Variants in MTUS2 observed in about 807,000 individuals in gnomAD.
MTUS2 encodes the protein microtubule associated scaffold protein 2.
Under a neutral mutation model 114.1 loss-of-function variants are expected in MTUS2, and 40 were observed. That is an observed-to-expected ratio of 0.35 (90% CI 0.27 to 0.46). MTUS2 has a LOEUF of 0.46. MTUS2 is among the 20% of genes least tolerant of loss of function. The pLI is 1.00. For missense variants in MTUS2, 1,679 were observed against 1,705.4 expected (o/e 0.98, Z 0.27); for synonymous variants, 688 against 672.0 (o/e 1.02, Z -0.37).
At chr13:29,230,731 T>G (rs768254890) in intron 5 of MTUS2, among the ~76,000 whole-genome samples, 14 of 152,230 alleles carry the variant, frequency 9.2e-5, no homozygotes, top group African/African-American at 4.8e-5. Flanking sequence ...ATTTCAGGAC[T>G]AGAGTGCAGG....
intron 2 of MTUS2, among the ~76,000 whole-genome samples, chr13:29,001,005 G>C (rs907585178): frequency 1.3e-5 from 2 of 152,158 alleles, no homozygotes; most frequent in Non-Finnish European, 2.9e-5. Context: ...CTTAGGGTAG[G>C]ATCAGGCTAT....
At chr13:29,213,926 G>A (rs1895562337) in intron 5 of MTUS2, among the ~76,000 whole-genome samples, 1 of 150,596 alleles carries the variant, frequency 6.6e-6, no homozygotes, top group Non-Finnish European at 1.5e-5. Context: ...GCACTGAATA[G>A]TTTATGATTC....
Position 28,967,454 on chromosome 13 carries a change from TA to T in MTUS2, c.-242-56997del, listed in dbSNP as rs370748095. Among the ~76,000 whole-genome samples the T allele has an allele frequency of 2.0e-3, 307 of 152,138 alleles. No individual in the cohort carries two copies. In the Middle Eastern group the frequency reaches 0.024, roughly 12 times the overall value. ...CTGTAGTCTTGCCAGTAAGAAGAAATAAAAAAGCTCTGGTCTGTTAAGAGAC... is the reference window on the plus strand; with the variant it reads ...CTGTAGTCTTGCCAGTAAGAAGAAATAAAAAGCTCTGGTCTGTTAAGAGAC... On this transcript the variant is annotated intron_variant, in intron 2 of 15. Transcript: ENST00000612955.
chr13:28,903,410 C>A (rs1879769260), intron 2 of MTUS2, among the ~76,000 whole-genome samples: 1 of 104,704 alleles, frequency 9.6e-6, no homozygotes, highest in African/African-American at 3.7e-5. Flanking sequence ...CTATCCCTCC[C>A]CCCTCCCCCC....
Position 29,025,220 on chromosome 13 carries a change from G to A in MTUS2, c.522G>A (p.Arg174=). ...AKTLDNEELR[R]HSLERASSSV... is the part of the protein sequence containing the mutation. ...CCCTTGACAATGAGGAACTGAGGAG[G>A]CATTCTTTGGAAAGAGCAAGCAGCT... Residue 174 remains arginine, a synonymous_variant, in exon 3 of 16, where the codon AGG becomes AGA. Coordinates refer to ENST00000612955, the MANE Select transcript of MTUS2 (RefSeq NM_001033602.4). 6.2e-7 allele frequency: 1 copy of A among 1,614,010 alleles called. No individual in the cohort carries two copies. Among genetic ancestry groups the A allele is most frequent in the Non-Finnish European group, 8.5e-7 (1 of 1,179,890 alleles).
chr13:29,159,826 G>A (rs905966844), intron 5 of MTUS2, among the ~76,000 whole-genome samples: 14 of 152,168 alleles, frequency 9.2e-5, no homozygotes, highest in Non-Finnish European at 1.9e-4. Context: ...GACTGAAATA[G>A]AAAATAGCGA....
intron 5 of MTUS2, among the ~76,000 whole-genome samples, chr13:29,136,087 G>A (rs1015360196): frequency 6.6e-6 from 1 of 152,164 alleles, no homozygotes; most frequent in African/African-American, 2.4e-5. Context: ...AATTGCCCAT[G>A]TTACTACCTT....
chr13:29,426,831 C>T (rs1215297257), intron 8 of MTUS2, among the ~76,000 whole-genome samples: 5 of 152,154 alleles, frequency 3.3e-5, no homozygotes, highest in African/African-American at 1.2e-4. Flanking sequence ...TTTGTTTATC[C>T]ATTCTTCTGT....
At chr13:29,065,341 A>G (rs1888614385) in intron 4 of MTUS2, among the ~76,000 whole-genome samples, 1 of 152,096 alleles carries the variant, frequency 6.6e-6, no homozygotes, top group South Asian at 2.1e-4. Flanking sequence ...GTAAGATGGT[A>G]TCTCATTGTG....
At chr13:29,442,593 G>GTGAT (rs145506378) in intron 9 of MTUS2, among the ~76,000 whole-genome samples, 2,386 of 151,616 alleles carry the variant, frequency 0.016, 58 homozygotes, top group African/African-American at 0.054. Flanking sequence ...GTGTGAGCTA[G>GTGAT]TGATGAGCTA....
intron 5 of MTUS2, among the ~76,000 whole-genome samples, chr13:29,162,245 A>G (rs757088470): frequency 6.6e-5 from 10 of 152,200 alleles, no homozygotes; most frequent in Non-Finnish European, 1.5e-4. Flanking sequence ...GGATTCAAAT[A>G]TGGTCATATT....
chr13:29,460,461 C>G (rs942899759), intron 9 of MTUS2, among the ~76,000 whole-genome samples: 1 of 151,944 alleles, frequency 6.6e-6, no homozygotes, highest in Non-Finnish European at 1.5e-5. Context: ...CTCTCTCCTC[C>G]TGACAGGCTG....
Position 29,331,179 on chromosome 13 carries a change from C to G in MTUS2, c.2905+6468C>G, listed in dbSNP as rs139372308. 3.6e-3 allele frequency among the ~76,000 whole-genome samples: 545 copies of G among 152,078 alleles called. 3 individuals are homozygous for G. Among genetic ancestry groups the G allele is most frequent in the African/African-American group, 0.013 (525 of 41,474 alleles). ...CCCTTGTAAGTTGTCTTCCTAGGTA[C>G]TTTTTTCTCTTTGTAGCAATTGTGA... is the stretch of plus-strand genomic sequence containing the variant. On this transcript the variant is annotated intron_variant, in intron 7 of 15. Coordinates refer to ENST00000612955, the MANE Select transcript of MTUS2 (RefSeq NM_001033602.4).
At chr13:29,192,021 G>A (rs751310992) in intron 5 of MTUS2, among the ~76,000 whole-genome samples, 2 of 152,188 alleles carry the variant, frequency 1.3e-5, no homozygotes, top group African/African-American at 4.8e-5. Flanking sequence ...ATAGAAGTCC[G>A]TAAGGAGGAT....
chr13:29,243,972 A>G (rs1896819961), intron 5 of MTUS2, among the ~76,000 whole-genome samples: 1 of 152,230 alleles, frequency 6.6e-6, no homozygotes, highest in South Asian at 2.1e-4. Context: ...GACCAGGAGA[A>G]CAAGTATGTG....
intron 4 of MTUS2, among the ~76,000 whole-genome samples, chr13:29,079,489 A>T (rs1889346830): frequency 6.6e-6 from 1 of 152,148 alleles, no homozygotes; most frequent in African/African-American, 2.4e-5. Flanking sequence ...ACCATTGGCT[A>T]ATCTGGTGTC....
At chr13:29,365,120 C>T (rs67668903) in intron 8 of MTUS2, among the ~76,000 whole-genome samples, 18,114 of 152,138 alleles carry the variant, frequency 0.12, 1,246 homozygotes, top group African/African-American at 0.19. Flanking sequence ...GAACCATGAG[C>T]GTCTGTATGC....
intron 8 of MTUS2, among the ~76,000 whole-genome samples, chr13:29,367,017 T>C (rs1162904088): frequency 6.6e-6 from 1 of 152,156 alleles, no homozygotes; most frequent in Non-Finnish European, 1.5e-5. Context: ...AGATAGGGAA[T>C]GGTCCATCCT....
intron 5 of MTUS2, among the ~76,000 whole-genome samples, chr13:29,241,608 T>C: frequency 6.6e-6 from 1 of 152,138 alleles, no homozygotes; most frequent in Non-Finnish European, 1.5e-5. Context: ...TTCTCAAAAA[T>C]CACATGCTAC....
Sources: gnomAD v4.1 joint callset for allele counts (sites outside exome capture counted in the v4.1 genomes callset) on GRCh38, gnomAD v4.1.1 for gene constraint, MANE v1.5 for transcripts, NCBI Gene and HGNC (gene_info 2026-07-23, HGNC 2026-07-21) for gene names.